Variants in GRIK1 observed in about 807,000 individuals in gnomAD.
GRIK1 encodes the protein glutamate receptor ionotropic, kainate 1.
GRIK1 carries 69 observed loss-of-function variants against 105.7 expected under a neutral mutation model. The ratio of observed to expected loss-of-function variants is 0.65; its 90% CI spans 0.54 to 0.80. GRIK1 has a LOEUF of 0.80. Ranked by LOEUF, GRIK1 falls within the 30% of genes least tolerant of loss-of-function variation. The pLI is 0.00. For missense variants in GRIK1, 1,109 were observed against 1,167.3 expected, an observed-to-expected ratio of 0.95 and a Z score of 0.73; for synonymous variants, 438 against 431.3, an observed-to-expected ratio of 1.02 and a Z score of -0.19.
chr21:29,638,321 C>T (rs1307648882), intron 7 of GRIK1, among the ~76,000 whole-genome samples: 3 of 152,004 alleles, frequency 2.0e-5, no homozygotes, highest in Admixed American at 6.6e-5. Context: ...CTTCTAAAAC[C>T]GTCAGATCTC....
At chr21:29,555,366 T>C (rs1299057551) in intron 15 of GRIK1, 64 bp from the exon 16 acceptor site, 16 of 1,421,106 alleles carry the variant, frequency 1.1e-5, no homozygotes, top group Non-Finnish European at 1.5e-5. Context: ...AGAAGTATTC[T>C]TAATTATCAT....
chr21:29,765,593 G>A (rs1486569321), intron 1 of GRIK1, among the ~76,000 whole-genome samples: 1 of 152,060 alleles, frequency 6.6e-6, no homozygotes, highest in African/African-American at 2.4e-5. Context: ...GTTACTGAGA[G>A]GGCCTTTAGG....
At chr21:29,855,950 G>C (rs1378413072) in intron 1 of GRIK1, among the ~76,000 whole-genome samples, 2 of 152,154 alleles carry the variant, frequency 1.3e-5, no homozygotes, top group African/African-American at 4.8e-5. Context: ...GTTTGGTAAA[G>C]GATGGAAGAC....
At chr21:29,553,557 A>G (rs766278987) in intron 16 of GRIK1, 5 of 1,561,020 alleles carry the variant, frequency 3.2e-6, no homozygotes, top group African/African-American at 1.4e-5. Flanking sequence ...TAAACTGATT[A>G]CACAGTATGA....
At chr21:29,586,879 T>G (rs921271800) in intron 12 of GRIK1, among the ~76,000 whole-genome samples, 1 of 152,234 alleles carries the variant, frequency 6.6e-6, no homozygotes, top group African/African-American at 2.4e-5. Flanking sequence ...AAAAATAAAT[T>G]TAATAGAACT....
At chr21:29,779,494 GGTGTGTGT>G (rs3054349) in intron 1 of GRIK1, among the ~76,000 whole-genome samples, 3 of 148,018 alleles carry the variant, frequency 2.0e-5, no homozygotes, top group East Asian at 2.0e-4. Context: ...GCCCTTTTAT[GGTGTGTGT>G]GTGTGTGTGT....
At chr21:29,839,061 T>C (rs2067895064) in intron 1 of GRIK1, among the ~76,000 whole-genome samples, 1 of 152,034 alleles carries the variant, frequency 6.6e-6, no homozygotes, top group Non-Finnish European at 1.5e-5. Flanking sequence ...TTTCTTTTCT[T>C]TTTTTTGAGG....
intron 1 of GRIK1, among the ~76,000 whole-genome samples, chr21:29,792,887 A>C (rs1319375059): frequency 6.6e-6 from 1 of 152,220 alleles, no homozygotes; most frequent in East Asian, 1.9e-4. Context: ...GAAAGAAAGA[A>C]TATCTGCTTT....
chr21:29,846,648 T>C lies in GRIK1; in HGVS notation c.118+92735A>G, dbSNP rs568661003. ...TACTCAAAACTTCATAGCAGGACTTTGCAGTATTATGACACATTTTGTAGA... is the reference window on the plus strand; with the variant it reads ...TACTCAAAACTTCATAGCAGGACTTCGCAGTATTATGACACATTTTGTAGA... On this transcript the variant is annotated intron_variant, in intron 1 of 17. Coordinates refer to ENST00000327783, the MANE Select transcript of GRIK1 (RefSeq NM_001330994.2). Among the ~76,000 whole-genome samples, 4 of 152,310 alleles carry C rather than the reference T, an allele frequency of 2.6e-5. No individual in the cohort carries two copies. In the South Asian group the frequency reaches 8.3e-4, roughly 32 times the overall value.
intron 1 of GRIK1, among the ~76,000 whole-genome samples, chr21:29,796,983 A>G (rs1470130804): frequency 6.6e-6 from 1 of 152,160 alleles, no homozygotes; most frequent in Non-Finnish European, 1.5e-5. Context: ...CAGAAAAAAA[A>G]AAAAGAAAAA....
chr21:29,745,843 C>A (rs1009000253), intron 1 of GRIK1, among the ~76,000 whole-genome samples: 1 of 152,200 alleles, frequency 6.6e-6, no homozygotes, highest in Non-Finnish European at 1.5e-5. Flanking sequence ...GTGGCTCATG[C>A]CTGTAATCCC....
chr21:29,740,782 C>A (rs921811467), intron 1 of GRIK1, among the ~76,000 whole-genome samples: 1 of 152,162 alleles, frequency 6.6e-6, no homozygotes, highest in African/African-American at 2.4e-5. Flanking sequence ...ACATGGGAAC[C>A]ATGGTTACCA....
intron 7 of GRIK1, 43 bp downstream of exon 7, chr21:29,642,783 A>G: frequency 2.5e-6 from 4 of 1,592,326 alleles, no homozygotes; most frequent in Non-Finnish European, 3.4e-6. Context: ...CAAGCCCAAC[A>G]GTGCTCAGAA....
At chr21:29,817,873 A>G (rs1255985851) in intron 1 of GRIK1, among the ~76,000 whole-genome samples, 1 of 152,192 alleles carries the variant, frequency 6.6e-6, no homozygotes, top group East Asian at 1.9e-4. Flanking sequence ...CGCTTAATGC[A>G]TACCCAACCC....
chr21:29,641,335 A>G (rs2146521582), intron 7 of GRIK1, among the ~76,000 whole-genome samples: 1 of 152,174 alleles, frequency 6.6e-6, no homozygotes, highest in East Asian at 1.9e-4. Flanking sequence ...ATGAAATCTG[A>G]TGGTTTTATA....
At chr21:29,865,659 C>A (rs369243796) in intron 1 of GRIK1, among the ~76,000 whole-genome samples, 25 of 152,136 alleles carry the variant, frequency 1.6e-4, no homozygotes, top group African/African-American at 5.8e-4. Flanking sequence ...TGAGAAAATG[C>A]CATTCATTCA....
chr21:29,582,398 G>C (rs767609056), intron 12 of GRIK1: 1 of 459,132 alleles, frequency 2.2e-6, no homozygotes, highest in Admixed American at 2.5e-5. Flanking sequence ...TACCTGCAAG[G>C]TGGTGCGCTA....
At chr21:29,561,096 A>G (rs1047166599) in intron 15 of GRIK1, among the ~76,000 whole-genome samples, 1 of 152,216 alleles carries the variant, frequency 6.6e-6, no homozygotes, top group African/African-American at 2.4e-5. Context: ...AAGATTTTAC[A>G]TAGTTGGCAT....
intron 1 of GRIK1, among the ~76,000 whole-genome samples, chr21:29,717,199 G>A (rs1317526023): frequency 6.6e-6 from 1 of 152,222 alleles, no homozygotes; most frequent in Admixed American, 6.5e-5. Flanking sequence ...CTATTCTAGG[G>A]GTGGACCCCT....
Sources: gnomAD v4.1 joint callset for allele counts (sites outside exome capture counted in the v4.1 genomes callset) on GRCh38, gnomAD v4.1.1 for gene constraint, MANE v1.5 for transcripts, NCBI Gene and HGNC (gene_info 2026-07-23, HGNC 2026-07-21) for gene names.